The following CLIC6 variants were observed in gnomAD, a reference collection of about 807,000 sequenced individuals.
The protein encoded by CLIC6 is CLIC family member 6, also known as chloride intracellular channel protein 6.
CLIC6 carries 39 observed loss-of-function variants against 49.2 expected under a neutral mutation model. The observed-to-expected ratio is 0.79, with a 90% confidence interval of 0.61 to 1.04. CLIC6 has a LOEUF of 1.04. Among genes scored for constraint, CLIC6 ranks in the 50% least tolerant of loss-of-function variants. The probability of loss-of-function intolerance (pLI) is 0.00; values close to 1 mark genes in which losing one functional copy is unlikely to be tolerated. For synonymous variants in CLIC6, 446 were observed against 433.4 expected (o/e 1.03, Z -0.36); for missense variants, 988 against 993.1 (o/e 0.99, Z 0.07).
Position 34,707,382 on chromosome 21 carries a change from C to A in CLIC6, c.1477C>A (p.Leu493Met). The A allele has an allele frequency of 1.2e-6, 2 of 1,606,680 alleles. No individual in the cohort carries two copies. Among genetic ancestry groups the A allele is most frequent in the South Asian group, 2.2e-5 (2 of 90,944 alleles). ...TATATTTAATGTGACCACAGTGGAC[C>A]TGAAAAGGTAAGACAAGGCGTCTGC... The part of the protein sequence containing the change: ...GVIFNVTTVD[L>M]KRKPADLQNL... The change falls in exon 2 of 6, where the codon CTG (leucine) becomes ATG (methionine). Residue 493 changes from leucine (L) to methionine (M), a missense_variant. By Grantham distance (15) the Leu-to-Met change is conservative. Transcript: ENST00000349499.
chr21:34,670,203 C>G lies in CLIC6; in HGVS notation c.815C>G (p.Ala272Gly). Residue 272 changes from alanine to glycine, a missense_variant, in exon 1 of 6, where the codon GCC (alanine) becomes GGC (glycine). Physicochemically the swap from Ala to Gly is moderately conservative, Grantham distance 60 (BLOSUM62 0). This residue lies in a region of CLIC6 where 647 missense variants were observed against 596.9 expected (regional missense o/e 1.08). Transcript: ENST00000349499. ...AGVPAGDSVE[A>G]EGPAGDSMDA... Reference sequence around the variant, plus strand: ...GTCCCGGCGGGGGACAGCGTAGAAGCCGAAGGCCCGGCGGGGGACAGCATG... The same window carrying G: ...GTCCCGGCGGGGGACAGCGTAGAAGGCGAAGGCCCGGCGGGGGACAGCATG... 7.1e-7 allele frequency: 1 copy of G among 1,403,838 alleles called. No homozygotes were observed. Among genetic ancestry groups the G allele is most frequent in the Non-Finnish European group, 9.2e-7 (1 of 1,086,056 alleles). The allele number at this position is 1,403,838 out of a possible 1,614,324, so 87.0% of individuals were successfully genotyped here. A position where few individuals can be genotyped will look rare whatever the true frequency, so the allele number is the denominator to read the frequency against.
Position 34,670,706 on chromosome 21 carries a change from G to T in CLIC6, c.1318G>T (p.Glu440Ter). Residue 440 changes from glutamate to a stop codon, truncating the protein, a stop_gained, in exon 1 of 6, where the codon GAG (glutamate) becomes TAG (stop). Coordinates refer to ENST00000349499, the MANE Select transcript of CLIC6 (RefSeq NM_053277.3). LOFTEE classifies it high-confidence loss of function. Reference sequence around the variant, plus strand: ...CGTGAACGGCCGCCGGGAGGACGGAGAGGCGTCCGAGCCCCGGGCCCTGGG... The same window carrying T: ...CGTGAACGGCCGCCGGGAGGACGGATAGGCGTCCGAGCCCCGGGCCCTGGG... ...ARVNGRREDG[E>*]ASEPRALGQE... 1 of 1,593,600 alleles carries T rather than the reference G, an allele frequency of 6.3e-7. No homozygotes were observed. The highest frequency in any genetic ancestry group is 1.7e-5 in the Admixed American group (1 of 58,646).
At chr21:34,696,670 G>A (rs1276268817) in intron 1 of CLIC6, among the ~76,000 whole-genome samples, 1 of 152,204 alleles carries the variant, frequency 6.6e-6, no homozygotes, top group African/African-American at 2.4e-5. Flanking sequence ...TCAGAACCAT[G>A]AGTAGTACAG....
In CLIC6 at chr21:34,691,018, G is replaced by A. The variant is rs572087229; in HGVS notation, c.1375-16262G>A. On this transcript the variant is annotated intron_variant, in intron 1 of 5. Transcript: ENST00000349499. ...CTTCCTCTCGTGTGGGTCAAACCAG[G>A]CCATATAGTTGTAGTCACTCACAGT... is the stretch of plus-strand genomic sequence containing the variant. Among the ~76,000 whole-genome samples the A allele has an allele frequency of 3.7e-4, 56 of 152,262 alleles. No homozygotes were observed. In the South Asian group the frequency reaches 3.7e-3, roughly 10 times the overall value.
chr21:34,687,534 T>G (rs921893271), intron 1 of CLIC6, among the ~76,000 whole-genome samples: 3 of 152,222 alleles, frequency 2.0e-5, no homozygotes, highest in African/African-American at 7.2e-5. Flanking sequence ...TACCAGTTTG[T>G]TTGCTCAAGG....
chr21:34,678,559 T>C (rs1208250927), intron 1 of CLIC6, among the ~76,000 whole-genome samples: 1 of 152,178 alleles, frequency 6.6e-6, no homozygotes, highest in Non-Finnish European at 1.5e-5. Context: ...ATAACTGTTG[T>C]AGAAGAAAGA....
chr21:34,713,908 A>AT (rs2056071629), intron 5 of CLIC6, among the ~76,000 whole-genome samples: 1 of 152,192 alleles, frequency 6.6e-6, no homozygotes, highest in African/African-American at 2.4e-5. Context: ...AATAAAAAGA[A>AT]TGAAATAGAG....
chr21:34,697,527 G>T (rs1392819691), intron 1 of CLIC6, among the ~76,000 whole-genome samples: 3 of 152,094 alleles, frequency 2.0e-5, no homozygotes, highest in Non-Finnish European at 4.4e-5. Context: ...ATCTATGCTG[G>T]TGTTTTCATT....
chr21:34,716,783 A>G lies in CLIC6; in HGVS notation c.*301A>G, dbSNP rs1016082127. ...ATCGCCTTCAATTTTACTCCACTTA[A>G]TTACCGAAAACTTACTGGAGAACAT... On this transcript the variant is annotated 3_prime_UTR_variant, in exon 6 of 6. Transcript: ENST00000349499. 1 of 186,046 alleles carries G rather than the reference A, an allele frequency of 5.4e-6. No homozygotes were observed. The highest frequency in any genetic ancestry group is 1.1e-5 in the Non-Finnish European group (1 of 91,200). The allele number at this position is 186,046 out of a possible 1,614,324, so 11.5% of individuals were successfully genotyped here.
chr21:34,716,395 T>A lies in CLIC6; in HGVS notation c.1974T>A (p.Ala658=), dbSNP rs775383196. 5 of 1,613,818 alleles carry A rather than the reference T, an allele frequency of 3.1e-6. No homozygotes were observed. In the Admixed American group the frequency reaches 8.3e-5, roughly 27 times the overall value. ...MTGIWRYLNN[A]YARDEFTNTC... is the part of the protein sequence containing the mutation. ...GCATCTGGAGATACTTGAATAATGCTTATGCTAGAGATGAGTTCACAAATA... is the reference window on the plus strand; with the variant it reads ...GCATCTGGAGATACTTGAATAATGCATATGCTAGAGATGAGTTCACAAATA... Residue 658 remains alanine, a synonymous_variant, in exon 6 of 6, where the codon GCT becomes GCA. Transcript: ENST00000349499.
intron 5 of CLIC6, among the ~76,000 whole-genome samples, chr21:34,712,444 T>G (rs2056062878): frequency 6.6e-6 from 1 of 152,214 alleles, no homozygotes; most frequent in South Asian, 2.1e-4. Context: ...TCCGTATCTT[T>G]AGCAAAGTTC....
chr21:34,677,514 T>C (rs1459692228), intron 1 of CLIC6, among the ~76,000 whole-genome samples: 4 of 152,260 alleles, frequency 2.6e-5, no homozygotes, highest in African/African-American at 9.6e-5. Context: ...CAGAGATAGG[T>C]GGATAAAGCA....
Position 34,690,980 on chromosome 21 carries a change from C to T in CLIC6, c.1375-16300C>T, listed in dbSNP as rs538628506. Among the ~76,000 whole-genome samples, 11 of 151,684 alleles carry T rather than the reference C, an allele frequency of 7.3e-5. No individual in the cohort carries two copies. In the East Asian group the frequency reaches 2.1e-3, roughly 30 times the overall value. ...TGGAGAGCAGCTGATCCCCTTTGGTCTTGGGCCACGGCCTTCCTCTCGTGT... is the reference window on the plus strand; with the variant it reads ...TGGAGAGCAGCTGATCCCCTTTGGTTTTGGGCCACGGCCTTCCTCTCGTGT... On this transcript the variant is annotated intron_variant, in intron 1 of 5. Coordinates refer to ENST00000349499, the MANE Select transcript of CLIC6 (RefSeq NM_053277.3).
Position 34,700,395 on chromosome 21 carries a change from C to T in CLIC6, c.1375-6885C>T, listed in dbSNP as rs368347635. 1.3e-4 allele frequency among the ~76,000 whole-genome samples: 17 copies of T among 128,092 alleles called. 3 individuals carry two copies. The highest frequency in any genetic ancestry group is 3.8e-4 in the Admixed American group (5 of 13,060). 84.0% of individuals were successfully genotyped at this position (128,092 alleles called of 152,430 possible). On this transcript the variant is annotated intron_variant, in intron 1 of 5. Coordinates refer to ENST00000349499, the MANE Select transcript of CLIC6 (RefSeq NM_053277.3). ...CCGGGAGGCGGAGCTTGCAGTGAGCCGAGATCGCGCCACCGCACTCCAGCC... is the reference window on the plus strand; with the variant it reads ...CCGGGAGGCGGAGCTTGCAGTGAGCTGAGATCGCGCCACCGCACTCCAGCC...
chr21:34,678,170 G>A (rs1020547747), intron 1 of CLIC6, among the ~76,000 whole-genome samples: 3 of 151,690 alleles, frequency 2.0e-5, no homozygotes, highest in African/African-American at 4.8e-5. Flanking sequence ...GGTGGCTCAC[G>A]CCTGTAATCC....
At chr21:34,699,938 A>G (rs1370398419) in intron 1 of CLIC6, among the ~76,000 whole-genome samples, 1 of 152,142 alleles carries the variant, frequency 6.6e-6, no homozygotes, top group African/African-American at 2.4e-5. Context: ...AGGACTGGGC[A>G]TGATGTTTAC....
intron 1 of CLIC6, among the ~76,000 whole-genome samples, chr21:34,673,740 T>TAAAC (rs757933970): frequency 6.6e-6 from 1 of 152,132 alleles, no homozygotes; most frequent in Non-Finnish European, 1.5e-5. Context: ...AAAACAAAAC[T>TAAAC]AAACAAACAA....
At chr21:34,689,292 CGTT>C in intron 1 of CLIC6, among the ~76,000 whole-genome samples, 1 of 152,318 alleles carries the variant, frequency 6.6e-6, no homozygotes, top group Non-Finnish European at 1.5e-5. Flanking sequence ...CTTAGGAAGA[CGTT>C]GTCAGTGCTC....
intron 1 of CLIC6, among the ~76,000 whole-genome samples, chr21:34,695,397 C>A (rs1990072196): frequency 6.6e-6 from 1 of 152,228 alleles, no homozygotes; most frequent in Non-Finnish European, 1.5e-5. Flanking sequence ...ACCTTGATAT[C>A]ATTTGCAAAG....
Sources: allele counts gnomAD v4.1 joint callset (sites outside exome capture counted in the v4.1 genomes callset), GRCh38; gene constraint gnomAD v4.1.1; regional missense constraint gnomAD v4.1.1; transcripts MANE v1.5; gene names NCBI Gene and HGNC (gene_info 2026-07-23, HGNC 2026-07-21).